Variants in UBE2E2 observed in about 807,000 individuals in gnomAD.
UBE2E2 encodes ubiquitin conjugating enzyme E2 E2.
Under a neutral mutation model 24.7 loss-of-function variants are expected in UBE2E2, and 6 were observed. The observed-to-expected ratio is 0.24, with a 90% CI of 0.13 to 0.48. UBE2E2 has a LOEUF of 0.48. UBE2E2 is among the 20% of genes least tolerant of loss of function. UBE2E2 has a pLI of 0.99. For synonymous variants in UBE2E2, 104 were observed against 83.6 expected (o/e 1.24, Z -1.33); for missense variants, 169 against 245.0 (o/e 0.69, Z 2.07).
chr3:23,375,471 A>T (rs1696498174), intron 3 of UBE2E2, among the ~76,000 whole-genome samples: 1 of 152,150 alleles, frequency 6.6e-6, no homozygotes, highest in Non-Finnish European at 1.5e-5. Flanking sequence ...TCCTCAATGA[A>T]TTTATAATCT....
intron 3 of UBE2E2, among the ~76,000 whole-genome samples, chr3:23,368,960 C>G (rs1696331072): frequency 6.6e-6 from 1 of 152,254 alleles, no homozygotes; most frequent in South Asian, 2.1e-4. Flanking sequence ...TAAACCATTA[C>G]TCTAAAATAT....
chr3:23,428,209 C>A (rs1049994912), intron 3 of UBE2E2, among the ~76,000 whole-genome samples: 19 of 152,280 alleles, frequency 1.2e-4, no homozygotes, highest in Admixed American at 1.2e-3. Flanking sequence ...TGCTGTGCGA[C>A]CACAATGGAG....
chr3:23,442,860 A>T (rs924465901), intron 3 of UBE2E2, among the ~76,000 whole-genome samples: 12 of 151,672 alleles, frequency 7.9e-5, no homozygotes, highest in African/African-American at 2.9e-4. Context: ...GGTTTGAAAA[A>T]CTTCCTCCAT....
chr3:23,534,225 A>G (rs1336115045), intron 5 of UBE2E2: 25 of 977,592 alleles, frequency 2.6e-5, no homozygotes, highest in Non-Finnish European at 3.0e-5. Flanking sequence ...ATAAGCCTGT[A>G]TATGACAGCC....
intron 2 of UBE2E2, among the ~76,000 whole-genome samples, chr3:23,214,422 T>A (rs1426281723): frequency 6.6e-6 from 1 of 151,994 alleles, no homozygotes; most frequent in Non-Finnish European, 1.5e-5. Context: ...ACCAACAGTT[T>A]CCTGAATTTT....
chr3:23,241,667 G>A (rs1697263431), intron 3 of UBE2E2, among the ~76,000 whole-genome samples: 1 of 151,820 alleles, frequency 6.6e-6, no homozygotes. Context: ...TCTTTCCGTA[G>A]GAGTTAACAC....
intron 2 of UBE2E2, among the ~76,000 whole-genome samples, chr3:23,209,692 A>T (rs1278836922): frequency 6.6e-6 from 1 of 152,072 alleles, no homozygotes; most frequent in Non-Finnish European, 1.5e-5. Context: ...ATGTTATTTT[A>T]TGGTGTGGGT....
intron 3 of UBE2E2, among the ~76,000 whole-genome samples, chr3:23,300,715 C>T (rs998201640): frequency 9.2e-5 from 14 of 152,108 alleles, no homozygotes; most frequent in African/African-American, 3.1e-4. Flanking sequence ...CTGCCCTTAA[C>T]ATTTTTTCCT....
intron 3 of UBE2E2, among the ~76,000 whole-genome samples, chr3:23,272,958 G>A (rs528017062): frequency 9.9e-5 from 15 of 152,208 alleles, no homozygotes; most frequent in African/African-American, 3.1e-4. Flanking sequence ...GGCAGGGTCA[G>A]CCTTTTAGTT....
chr3:23,218,086 C>T (rs1409791814), intron 3 of UBE2E2, among the ~76,000 whole-genome samples: 1 of 152,050 alleles, frequency 6.6e-6, no homozygotes, highest in Non-Finnish European at 1.5e-5. Context: ...AAATGATAAT[C>T]TTATGCATTG....
chr3:23,476,681 C>T (rs906476835), intron 3 of UBE2E2, among the ~76,000 whole-genome samples: 2 of 152,042 alleles, frequency 1.3e-5, no homozygotes, highest in East Asian at 1.9e-4. Flanking sequence ...GAGCAAGACC[C>T]TGTCTCAAAA....
chr3:23,439,846 T>C (rs531618968), intron 3 of UBE2E2, among the ~76,000 whole-genome samples: 4 of 152,234 alleles, frequency 2.6e-5, no homozygotes, highest in Non-Finnish European at 5.9e-5. Context: ...TATTAGCCCA[T>C]TTTGTGTTTT....
intron 4 of UBE2E2, among the ~76,000 whole-genome samples, chr3:23,529,193 T>A (rs1474289587): frequency 6.6e-6 from 1 of 152,220 alleles, no homozygotes; most frequent in Non-Finnish European, 1.5e-5. Context: ...AGAATGTTTG[T>A]GATAGAGTTG....
intron 3 of UBE2E2, among the ~76,000 whole-genome samples, chr3:23,470,227 G>A (rs1699005730): frequency 6.6e-6 from 1 of 152,102 alleles, no homozygotes; most frequent in Non-Finnish European, 1.5e-5. Context: ...CACTCTGTTG[G>A]CCAAAGTTCT....
At chr3:23,342,187 G>GTTT (rs71620774) in intron 3 of UBE2E2, among the ~76,000 whole-genome samples, 60 of 141,754 alleles carry the variant, frequency 4.2e-4, no homozygotes, top group Admixed American at 6.4e-4. Context: ...ATTTAGTTTA[G>GTTT]TTTTTTTTTT....
chr3:23,420,848 T>C (rs1697778874), intron 3 of UBE2E2, among the ~76,000 whole-genome samples: 1 of 152,212 alleles, frequency 6.6e-6, no homozygotes, highest in South Asian at 2.1e-4. Flanking sequence ...TTACTGTATT[T>C]AGGCCCACAA....
At chr3:23,579,904 T>C (rs548671271) in intron 5 of UBE2E2, among the ~76,000 whole-genome samples, 2 of 152,294 alleles carry the variant, frequency 1.3e-5, no homozygotes, top group East Asian at 3.9e-4. Context: ...ATTCCAACTC[T>C]CGTGGATGAT....
intron 3 of UBE2E2, among the ~76,000 whole-genome samples, chr3:23,314,255 A>G (rs1306302047): frequency 1.3e-5 from 2 of 152,104 alleles, no homozygotes; most frequent in East Asian, 3.9e-4. Context: ...CAGCCTCCTG[A>G]GTAGCTGGGA....
At chr3:23,557,449 C>G (rs1575705571) in intron 5 of UBE2E2, among the ~76,000 whole-genome samples, 2 of 152,304 alleles carry the variant, frequency 1.3e-5, no homozygotes, top group Middle Eastern at 3.4e-3. Context: ...GGAACCAACC[C>G]TGGACAGGAT....
Sources: gnomAD v4.1 joint callset for allele counts (sites outside exome capture counted in the v4.1 genomes callset) on GRCh38, gnomAD v4.1.1 for gene constraint, MANE v1.5 for transcripts, NCBI Gene and HGNC (gene_info 2026-07-23, HGNC 2026-07-21) for gene names.